GOT2: variants seen among roughly 807,000 people sequenced by gnomAD.
The protein encoded by GOT2 is aspartate aminotransferase, mitochondrial.
GOT2 carries 17 observed loss-of-function variants against 50.0 expected under a neutral mutation model. That is an observed-to-expected ratio of 0.34 (90% CI 0.23 to 0.51). GOT2 has a LOEUF of 0.51. Among genes scored for constraint, GOT2 ranks in the 20% least tolerant of loss-of-function variants. GOT2 has a pLI of 0.97. For missense variants in GOT2, 430 were observed against 559.6 expected (o/e 0.77, Z 2.34); for synonymous variants, 172 against 204.9 (o/e 0.84, Z 1.37).
intron 1 of GOT2, among the ~76,000 whole-genome samples, chr16:58,733,544 C>A (rs1182650459): frequency 6.6e-6 from 1 of 152,172 alleles, no homozygotes; most frequent in East Asian, 1.9e-4. Flanking sequence ...AAAGGCCAAA[C>A]GGGCCCCGGG....
chr16:58,723,873 G>A lies in GOT2; in HGVS notation c.119C>T (p.Pro40Leu), dbSNP rs112510359. The A allele has an allele frequency of 1.2e-6, 2 of 1,613,722 alleles. No individual in the cohort carries two copies. The highest frequency in any genetic ancestry group is 8.5e-7 in the Non-Finnish European group (1 of 1,179,698). ...SSWWTHVEMGPPDPILGVTEA... is the reference protein window; with the variant it reads ...SSWWTHVEMGLPDPILGVTEA... Reference sequence around the variant, plus strand: ...AGTGACTCCCAGAATGGGATCTGGAGGTCCCATTTCCACATGGGTCCACCA... The same window carrying A: ...AGTGACTCCCAGAATGGGATCTGGAAGTCCCATTTCCACATGGGTCCACCA... Residue 40 changes from proline (P) to leucine (L), a missense_variant, in exon 2 of 10, where the codon CCT becomes CTT. Physicochemically the swap from Pro to Leu is moderately conservative, Grantham distance 98 (BLOSUM62 -3). Coordinates refer to ENST00000245206, the MANE Select transcript of GOT2 (RefSeq NM_002080.4).
chr16:58,728,161 A>G (rs1396169576), intron 1 of GOT2, among the ~76,000 whole-genome samples: 1 of 152,184 alleles, frequency 6.6e-6, no homozygotes. Flanking sequence ...ATTAAAGGGC[A>G]GATTATTTCC....
intron 1 of GOT2, among the ~76,000 whole-genome samples, chr16:58,733,570 G>T (rs1483361564): frequency 6.6e-6 from 1 of 152,140 alleles, no homozygotes; most frequent in African/African-American, 2.4e-5. Flanking sequence ...AGGGACCTCG[G>T]GGGGTCGCAA....
chr16:58,711,169 C>A, intron 8 of GOT2, among the ~76,000 whole-genome samples: 1 of 151,970 alleles, frequency 6.6e-6, no homozygotes, highest in East Asian at 1.9e-4. Flanking sequence ...AGGACTGAGA[C>A]ATAGTCCTTG....
At chr16:58,718,974 T>C (rs539755242) in intron 4 of GOT2, among the ~76,000 whole-genome samples, 2 of 152,366 alleles carry the variant, frequency 1.3e-5, no homozygotes, top group East Asian at 1.9e-4. Context: ...AAAAGCTCCC[T>C]AGTAAATAGT....
At chr16:58,712,898 G>A (rs988853095) in intron 8 of GOT2, among the ~76,000 whole-genome samples, 3 of 152,106 alleles carry the variant, frequency 2.0e-5, no homozygotes, top group African/African-American at 4.8e-5. Flanking sequence ...TCGGGAGTTC[G>A]AGACCAGCCT....
chr16:58,721,315 A>G (rs529268528), intron 3 of GOT2, among the ~76,000 whole-genome samples: 7 of 152,202 alleles, frequency 4.6e-5, no homozygotes, highest in Non-Finnish European at 8.8e-5. Context: ...TTCAAAAGAA[A>G]GTGAACCACA....
At chr16:58,732,100 G>A (rs546303221) in intron 1 of GOT2, among the ~76,000 whole-genome samples, 1 of 152,198 alleles carries the variant, frequency 6.6e-6, no homozygotes, top group Non-Finnish European at 1.5e-5. Context: ...CGGGGCTGAT[G>A]TGGGAGGAGT....
intron 8 of GOT2, among the ~76,000 whole-genome samples, chr16:58,710,382 G>C (rs1425756715): frequency 1.3e-5 from 2 of 150,600 alleles, no homozygotes; most frequent in South Asian, 4.2e-4. Context: ...ACCATGCCTT[G>C]CTAATTTTCT....
At chr16:58,731,923 G>C (rs1289148623) in intron 1 of GOT2, among the ~76,000 whole-genome samples, 1 of 152,220 alleles carries the variant, frequency 6.6e-6, no homozygotes, top group Non-Finnish European at 1.5e-5. Flanking sequence ...GTCTGATCTT[G>C]CCTGAAGAGT....
chr16:58,711,074 G>T (rs2044644382), intron 8 of GOT2, among the ~76,000 whole-genome samples: 1 of 149,032 alleles, frequency 6.7e-6, no homozygotes, highest in Admixed American at 6.7e-5. Context: ...CCTTATTTTT[G>T]ACATGGATGA....
At chr16:58,727,523 C>A in intron 1 of GOT2, among the ~76,000 whole-genome samples, 1 of 152,156 alleles carries the variant, frequency 6.6e-6, no homozygotes, top group Non-Finnish European at 1.5e-5. Flanking sequence ...GAGTACAACA[C>A]AATCCCTTAC....
chr16:58,717,489 C>T (rs2044703478), intron 6 of GOT2, among the ~76,000 whole-genome samples: 1 of 152,120 alleles, frequency 6.6e-6, no homozygotes, highest in South Asian at 2.1e-4. Context: ...GGAATTTTGA[C>T]TAGTGTCTTC....
intron 9 of GOT2, 119 bp downstream of exon 9, chr16:58,709,294 AAAAC>A (rs2044627132): frequency 1.1e-6 from 1 of 884,976 alleles, no homozygotes; most frequent in African/African-American, 1.7e-5. Context: ...AAAACAAAAC[AAAAC>A]AAAACAAAAC....
chr16:58,724,906 T>A (rs539261790), intron 1 of GOT2, among the ~76,000 whole-genome samples: 4 of 152,286 alleles, frequency 2.6e-5, no homozygotes, highest in African/African-American at 9.6e-5. Flanking sequence ...GTTCCACGAT[T>A]CCATCTAGGA....
chr16:58,724,453 C>T (rs552295236), intron 1 of GOT2, among the ~76,000 whole-genome samples: 2 of 152,154 alleles, frequency 1.3e-5, no homozygotes, highest in African/African-American at 4.8e-5. Flanking sequence ...ATAGTACAGT[C>T]CCATATACCC....
Position 58,716,112 on chromosome 16 carries a change from C to T in GOT2, c.921G>A (p.Gln307=). 1 of 1,614,056 alleles carries T rather than the reference C, an allele frequency of 6.2e-7. No individual in the cohort carries two copies. The highest frequency in any genetic ancestry group is 8.5e-7 in the Non-Finnish European group (1 of 1,179,920). Residue 307 remains glutamine, a synonymous_variant, in exon 8 of 10, where the codon CAG becomes CAA. Transcript: ENST00000245206. ...DADEAKRVES[Q]LKILIRPMYS... ...ACATGGGACGGATCAAGATCTTCAA[C>T]TGTGACTCTACCCTTTTGGCTTCAT...
At chr16:58,711,365 C>T (rs999172380) in intron 8 of GOT2, among the ~76,000 whole-genome samples, 1 of 152,174 alleles carries the variant, frequency 6.6e-6, no homozygotes, top group Admixed American at 6.5e-5. Context: ...CTGAATACAA[C>T]CTTCCCCTTC....
chr16:58,723,715 C>T (rs762274737), intron 2 of GOT2, 31 bp downstream of exon 2: 1 of 1,571,956 alleles, frequency 6.4e-7, no homozygotes, highest in East Asian at 2.2e-5. Context: ...TTTATTCATC[C>T]CATTCAAAAG....
Sources: gnomAD v4.1 joint callset for allele counts (sites outside exome capture counted in the v4.1 genomes callset) on GRCh38, gnomAD v4.1.1 for gene constraint, MANE v1.5 for transcripts, NCBI Gene and HGNC (gene_info 2026-07-23, HGNC 2026-07-21) for gene names.